The following TLL2 variants were observed in gnomAD, a reference collection of about 807,000 sequenced individuals.
TLL2 encodes the protein tolloid like 2, also known as tolloid-like protein 2.
A neutral mutation model predicts 123.0 loss-of-function variants in TLL2; 106 were observed. That is an observed-to-expected ratio of 0.86 (90% CI 0.74 to 1.01). The LOEUF is 1.01. Among genes scored for constraint, TLL2 ranks in the 50% least tolerant of loss-of-function variants. TLL2 has a pLI of 0.00. For synonymous variants in TLL2, 494 were observed against 516.8 expected (o/e 0.96, Z 0.60); for missense variants, 1,332 against 1,336.7 (o/e 1.00, Z 0.06).
At chr10:96,441,947 G>A (rs569425565) in intron 3 of TLL2, among the ~76,000 whole-genome samples, 1 of 152,266 alleles carries the variant, frequency 6.6e-6, no homozygotes, top group Middle Eastern at 3.4e-3. Flanking sequence ...TTCACACAAA[G>A]CCCCTAGGAA....
chr10:96,477,312 A>G (rs751185383), intron 2 of TLL2, among the ~76,000 whole-genome samples: 12 of 151,612 alleles, frequency 7.9e-5, no homozygotes, highest in Non-Finnish European at 1.8e-4. Context: ...TGTACACAGC[A>G]AATTTCCCTC....
At chr10:96,500,682 G>C (rs781475138) in intron 1 of TLL2, among the ~76,000 whole-genome samples, 21 of 151,924 alleles carry the variant, frequency 1.4e-4, no homozygotes, top group Non-Finnish European at 2.5e-4. Context: ...AGGTACTCAG[G>C]AGGTTAAGTG....
chr10:96,396,095 C>CGG (rs200006039), intron 11 of TLL2, 75 bp from the exon 12 acceptor site: 1 of 1,549,260 alleles, frequency 6.5e-7, no homozygotes, highest in African/African-American at 1.4e-5. Context: ...GTTGGGGAGG[C>CGG]GGGGGGAACA....
chr10:96,493,680 A>G (rs1450296262), intron 1 of TLL2, among the ~76,000 whole-genome samples: 1 of 152,088 alleles, frequency 6.6e-6, no homozygotes, highest in Non-Finnish European at 1.5e-5. Flanking sequence ...GGAGTCCCTC[A>G]TTCTGGTATA....
chr10:96,483,224 A>G (rs1382317395), intron 1 of TLL2, among the ~76,000 whole-genome samples: 1 of 152,224 alleles, frequency 6.6e-6, no homozygotes, highest in Non-Finnish European at 1.5e-5. Context: ...CATGAAGGGC[A>G]TATTCTCTGA....
chr10:96,513,072 CTT>C (rs1051815310), intron 1 of TLL2, among the ~76,000 whole-genome samples: 3 of 152,256 alleles, frequency 2.0e-5, no homozygotes, highest in African/African-American at 4.8e-5. Context: ...TCTTGGGAAA[CTT>C]TGCGCGAAAC....
At chr10:96,499,300 ACTCT>A (rs1302961313) in intron 1 of TLL2, among the ~76,000 whole-genome samples, 1 of 151,962 alleles carries the variant, frequency 6.6e-6, no homozygotes, top group African/African-American at 2.4e-5. Context: ...GGCCATAGCC[ACTCT>A]CTCTTAAGAA....
chr10:96,465,951 A>C (rs1301819041), intron 2 of TLL2, among the ~76,000 whole-genome samples: 1 of 152,240 alleles, frequency 6.6e-6, no homozygotes, highest in East Asian at 1.9e-4. Flanking sequence ...AAATGTTGGC[A>C]GTAAATTAAA....
intron 2 of TLL2, among the ~76,000 whole-genome samples, chr10:96,469,760 C>T (rs1301104320): frequency 6.6e-6 from 1 of 152,234 alleles, no homozygotes; most frequent in Non-Finnish European, 1.5e-5. Flanking sequence ...GTGGTTACTG[C>T]TGTATCCTTG....
At chr10:96,499,641 C>T (rs1847512277) in intron 1 of TLL2, among the ~76,000 whole-genome samples, 1 of 152,068 alleles carries the variant, frequency 6.6e-6, no homozygotes, top group African/African-American at 2.4e-5. Flanking sequence ...GAGCCCTCTG[C>T]TTTTTAAAAA....
At chr10:96,399,274 A>G (rs765333589) in intron 10 of TLL2, among the ~76,000 whole-genome samples, 1 of 152,224 alleles carries the variant, frequency 6.6e-6, no homozygotes, top group African/African-American at 2.4e-5. Context: ...TCCAGAAATT[A>G]TATCTGAATA....
chr10:96,458,330 T>C (rs1029824618), intron 2 of TLL2, among the ~76,000 whole-genome samples: 1 of 152,132 alleles, frequency 6.6e-6, no homozygotes, highest in Non-Finnish European at 1.5e-5. Flanking sequence ...CTCACGCCTA[T>C]AATCCCAGCA....
intron 16 of TLL2, among the ~76,000 whole-genome samples, chr10:96,381,682 G>A (rs149646748): frequency 6.6e-6 from 1 of 152,294 alleles, no homozygotes; most frequent in East Asian, 1.9e-4. Flanking sequence ...ACCCCACAGT[G>A]CTCCAGGCTG....
intron 1 of TLL2, among the ~76,000 whole-genome samples, chr10:96,494,849 A>T (rs1847454578): frequency 6.6e-6 from 1 of 152,184 alleles, no homozygotes; most frequent in Non-Finnish European, 1.5e-5. Context: ...GAGTGTTGAC[A>T]TGCGGATCCC....
chr10:96,495,636 T>C (rs1380275664), intron 1 of TLL2, among the ~76,000 whole-genome samples: 5 of 152,100 alleles, frequency 3.3e-5, no homozygotes, highest in Non-Finnish European at 5.9e-5. Flanking sequence ...TTTGAAACCA[T>C]GACCCTAAAT....
intron 3 of TLL2, 85 bp downstream of exon 3, chr10:96,446,006 A>T: frequency 7.3e-7 from 1 of 1,370,670 alleles, no homozygotes; most frequent in Non-Finnish European, 1.0e-6. Context: ...GGTATGCTTT[A>T]AAATGGTAAG....
intron 1 of TLL2, among the ~76,000 whole-genome samples, chr10:96,509,940 C>A (rs188092778): frequency 2.0e-5 from 3 of 152,268 alleles, no homozygotes; most frequent in Non-Finnish European, 4.4e-5. Flanking sequence ...GAGCGAGACT[C>A]CGTCTCAAAA....
In TLL2 at chr10:96,368,179, C is replaced by T. The variant is rs1379163983; in HGVS notation, c.2957G>A (p.Arg986Gln). Residue 986 changes from arginine to glutamine, a missense_variant, in exon 21 of 21, where the codon CGA (arginine) becomes CAA (glutamine). Arg to Gln is a conservative substitution (Grantham distance 43). Coordinates refer to ENST00000357947, the MANE Select transcript of TLL2 (RefSeq NM_012465.4). ...GTTGATGGTGTCATCTGTGCGGAATCGAATCATCAGGGAATCACCTGCAGA... is the reference window on the plus strand; with the variant it reads ...GTTGATGGTGTCATCTGTGCGGAATTGAATCATCAGGGAATCACCTGCAGA... ...IYSAGDSLMI[R>Q]FRTDDTINKK... 5.0e-6 allele frequency: 8 copies of T among 1,614,002 alleles called. No individual in the cohort carries two copies. Among genetic ancestry groups the T allele is most frequent in the East Asian group, 2.2e-5 (1 of 44,892 alleles).
rs765579171 is a variant in TLL2, at chr10:96,480,342, T to C, written c.286+7A>G. The C allele has an allele frequency of 4.3e-6, 7 of 1,612,930 alleles. No homozygotes were observed. The Admixed American group carries it at 1.2e-4, about 27-fold the overall frequency. ...CTGGGCAGGAGAAGGGAGGAAGCAG[T>C]ACCTACCTGTGCTGTGTCCTGTTGC... is the stretch of plus-strand genomic sequence containing the variant. On this transcript the variant is annotated splice_region_variant and intron_variant, in intron 2 of 20. Coordinates refer to ENST00000357947, the MANE Select transcript of TLL2 (RefSeq NM_012465.4).
Sources: gnomAD v4.1 joint callset for allele counts (sites outside exome capture counted in the v4.1 genomes callset) on GRCh38, gnomAD v4.1.1 for gene constraint, MANE v1.5 for transcripts, NCBI Gene and HGNC (gene_info 2026-07-23, HGNC 2026-07-21) for gene names.